Variants in GRIA4 observed in about 807,000 individuals in gnomAD.
GRIA4 encodes glutamate ionotropic receptor AMPA type subunit 4, also known as glutamate receptor 4.
GRIA4 carries 34 observed loss-of-function variants against 104.0 expected under a neutral mutation model. The observed-to-expected ratio is 0.33, with a 90% CI of 0.25 to 0.44. GRIA4 has a LOEUF of 0.44. Among genes scored for constraint, GRIA4 ranks in the 20% least tolerant of loss-of-function variants. GRIA4 has a pLI of 1.00. For synonymous variants in GRIA4, 386 were observed against 381.9 expected, an observed-to-expected ratio of 1.01 and a Z score of -0.13; for missense variants, 750 against 1,096.5, an observed-to-expected ratio of 0.68 and a Z score of 4.46.
At chr11:105,946,190 T>C (rs1475819844) in intron 14 of GRIA4, among the ~76,000 whole-genome samples, 1 of 152,202 alleles carries the variant, frequency 6.6e-6, no homozygotes, top group Non-Finnish European at 1.5e-5. Context: ...CTCTCACTTT[T>C]TGTGTTGTTG....
At chr11:105,653,649 T>C (rs1469449966) in intron 3 of GRIA4, among the ~76,000 whole-genome samples, 1 of 152,060 alleles carries the variant, frequency 6.6e-6, no homozygotes, top group Non-Finnish European at 1.5e-5. Flanking sequence ...TATATTAGGG[T>C]GAACGTGAGC....
chr11:105,675,942 T>C (rs1355027527), intron 3 of GRIA4, among the ~76,000 whole-genome samples: 1 of 151,828 alleles, frequency 6.6e-6, no homozygotes, highest in Non-Finnish European at 1.5e-5. Flanking sequence ...ATTCCAAGGA[T>C]ATAATTAGCT....
At chr11:105,755,467 C>T (rs1467459989) in intron 4 of GRIA4, among the ~76,000 whole-genome samples, 2 of 152,010 alleles carry the variant, frequency 1.3e-5, no homozygotes, top group African/African-American at 4.8e-5. Context: ...TTGTTCTTTC[C>T]CATTTTCTCC....
At chr11:105,686,478 T>G (rs1352624496) in intron 3 of GRIA4, among the ~76,000 whole-genome samples, 2 of 152,220 alleles carry the variant, frequency 1.3e-5, no homozygotes, top group Admixed American at 6.5e-5. Context: ...CAACCCTTGA[T>G]GGGCAAGTAG....
chr11:105,758,336 G>T (rs1204327942), intron 4 of GRIA4, among the ~76,000 whole-genome samples: 1 of 152,092 alleles, frequency 6.6e-6, no homozygotes, highest in Non-Finnish European at 1.5e-5. Flanking sequence ...ACTAAGGAAA[G>T]AGAACATGTT....
At chr11:105,639,593 C>G (rs1346427316) in intron 3 of GRIA4, among the ~76,000 whole-genome samples, 1 of 151,930 alleles carries the variant, frequency 6.6e-6, no homozygotes, top group Non-Finnish European at 1.5e-5. Context: ...ATACCCTGTA[C>G]ATTTTTAATT....
At chr11:105,870,014 T>G (rs150337038) in intron 5 of GRIA4, among the ~76,000 whole-genome samples, 27 of 151,866 alleles carry the variant, frequency 1.8e-4, no homozygotes, top group Non-Finnish European at 3.8e-4. Context: ...TATAAGAAAT[T>G]TATTTTCCAT....
intron 4 of GRIA4, among the ~76,000 whole-genome samples, chr11:105,814,879 C>T (rs1466510649): frequency 6.6e-6 from 1 of 151,828 alleles, no homozygotes; most frequent in African/African-American, 2.4e-5. Context: ...ATCTTATTTT[C>T]CTATAACCAC....
At chr11:105,794,510 T>TATATATACAC (rs1555010377) in intron 4 of GRIA4, among the ~76,000 whole-genome samples, 1 of 121,672 alleles carries the variant, frequency 8.2e-6, no homozygotes, top group African/African-American at 3.3e-5. Context: ...TATATATATA[T>TATATATACAC]ATACATATAC....
chr11:105,905,806 G>A (rs2136149901), intron 9 of GRIA4, among the ~76,000 whole-genome samples: 1 of 152,298 alleles, frequency 6.6e-6, no homozygotes, highest in South Asian at 2.1e-4. Flanking sequence ...GGCTGAGAGG[G>A]AGAGAAACAT....
At chr11:105,689,983 T>A (rs1953027137) in intron 3 of GRIA4, among the ~76,000 whole-genome samples, 1 of 152,198 alleles carries the variant, frequency 6.6e-6, no homozygotes. Context: ...GGCCACAAGT[T>A]TTTAATTAGT....
intron 3 of GRIA4, chr11:105,613,474 T>C (rs929236248): frequency 6.6e-6 from 1 of 152,210 alleles, no homozygotes; most frequent in Non-Finnish European, 1.5e-5. Flanking sequence ...TCACAGTTAA[T>C]AAAATGTTCA....
chr11:105,611,150 A>G (rs1950468621), intron 2 of GRIA4, 65 bp downstream of exon 2: 4 of 1,140,230 alleles, frequency 3.5e-6, no homozygotes, highest in Admixed American at 1.7e-5. Context: ...AGTGAGTTAA[A>G]TGAGTTGCTG....
At chr11:105,761,917 A>G (rs1940671749) in intron 4 of GRIA4, among the ~76,000 whole-genome samples, 2 of 152,240 alleles carry the variant, frequency 1.3e-5, no homozygotes. Context: ...TGTTAAATTG[A>G]AAATTCACTA....
intron 10 of GRIA4, chr11:105,912,741 T>C (rs1314848634): frequency 1.0e-6 from 1 of 971,804 alleles, no homozygotes; most frequent in African/African-American, 1.8e-5. Context: ...GAATCCTTTT[T>C]CTGAAAGTGT....
At chr11:105,672,171 A>G (rs1427735195) in intron 3 of GRIA4, among the ~76,000 whole-genome samples, 1 of 152,192 alleles carries the variant, frequency 6.6e-6, no homozygotes, top group Non-Finnish European at 1.5e-5. Flanking sequence ...AATTTTAAAA[A>G]TCAGTTACTG....
At chr11:105,852,937 T>A (rs1448716774) in intron 4 of GRIA4, among the ~76,000 whole-genome samples, 5 of 148,764 alleles carry the variant, frequency 3.4e-5, no homozygotes, top group Non-Finnish European at 7.5e-5. Context: ...GCTTTGTGTA[T>A]AAAAGCCAGA....
intron 3 of GRIA4, among the ~76,000 whole-genome samples, chr11:105,641,710 T>G (rs181318491): frequency 6.6e-6 from 1 of 152,160 alleles, no homozygotes; most frequent in Admixed American, 6.6e-5. Flanking sequence ...CTTAACCACT[T>G]TTAGTAGAAA....
Position 105,979,765 on chromosome 11 carries a change from TA to T in GRIA4, c.*28del. On this transcript the variant is annotated 3_prime_UTR_variant, in exon 17 of 17. Coordinates refer to ENST00000282499, the MANE Select transcript of GRIA4 (RefSeq NM_000829.4). ...AAACCAAAAAAATAATTGAGTGCCT[TA>T]ATTAAACTGTTGGTGACTGGTGGAA... The T allele has an allele frequency of 6.4e-7, 1 of 1,565,560 alleles. No homozygotes were observed. Among genetic ancestry groups the T allele is most frequent in the Non-Finnish European group, 8.8e-7 (1 of 1,137,604 alleles).
Sources: gnomAD v4.1 joint callset for allele counts (sites outside exome capture counted in the v4.1 genomes callset) on GRCh38, gnomAD v4.1.1 for gene constraint, MANE v1.5 for transcripts, NCBI Gene and HGNC (gene_info 2026-07-23, HGNC 2026-07-21) for gene names.